Variants in UTRN observed in about 807,000 individuals in gnomAD.
UTRN encodes dystrophin-related protein 1.
UTRN carries 283 observed loss-of-function variants against 463.9 expected under a neutral mutation model. That is an observed-to-expected ratio of 0.61 (90% CI 0.55 to 0.67). UTRN has a LOEUF of 0.67. Among genes scored for constraint, UTRN ranks in the 30% least tolerant of loss-of-function variants. The pLI is 0.00. For missense variants in UTRN, 3,922 were observed against 4,084.3 expected (o/e 0.96, Z 1.08); for synonymous variants, 1,442 against 1,431.5 (o/e 1.01, Z -0.17).
chr6:144,693,818 T>C (rs896902564), intron 52 of UTRN, among the ~76,000 whole-genome samples: 3 of 152,242 alleles, frequency 2.0e-5, no homozygotes, highest in African/African-American at 7.2e-5. Flanking sequence ...TTTCTGGATA[T>C]AGAATCTTGT....
intron 52 of UTRN, among the ~76,000 whole-genome samples, chr6:144,695,904 G>T (rs768035884): frequency 2.6e-5 from 4 of 152,144 alleles, no homozygotes; most frequent in Non-Finnish European, 4.4e-5. Context: ...ATTTGAGATT[G>T]TCTTAATTAA....
intron 2 of UTRN, among the ~76,000 whole-genome samples, chr6:144,344,944 T>C (rs1777442024): frequency 6.6e-6 from 1 of 152,170 alleles, no homozygotes; most frequent in Non-Finnish European, 1.5e-5. Flanking sequence ...TTCTGATCAG[T>C]TTAGATGTTC....
chr6:144,819,911 C>CCTCCTCCTCCTGT lies in UTRN; in HGVS notation c.9358-968_9358-967insCTCCTCCTGTCTC, dbSNP rs11397588. ...TCCTCCTCCTCCTCCTCCTCCTCCT[C>CCTCCTCCTCCTGT]CTCTCTCTCTCTCTCTCTCTCTTTC... On this transcript the variant is annotated intron_variant, in intron 65 of 74. Coordinates refer to ENST00000367545, the MANE Select transcript of UTRN (RefSeq NM_007124.3). 3.4e-3 allele frequency among the ~76,000 whole-genome samples: 401 copies of CCTCCTCCTCCTGT among 118,634 alleles called. 14 individuals are homozygous for CCTCCTCCTCCTGT. In the East Asian group the frequency reaches 0.036, roughly 11 times the overall value. 77.8% of individuals were successfully genotyped at this position (118,634 alleles called of 152,430 possible).
At chr6:144,686,106 T>C (rs1192081988) in intron 52 of UTRN, among the ~76,000 whole-genome samples, 1 of 152,164 alleles carries the variant, frequency 6.6e-6, no homozygotes, top group East Asian at 1.9e-4. Flanking sequence ...GTTTCATTCT[T>C]CCACATGTGA....
In UTRN at chr6:144,491,111, T is replaced by C. The variant is rs114316462; in HGVS notation, c.4437+9T>C. ...ACCTGGACAAGTGTATGGTGAGGCT[T>C]TTGGGTGATTGGCACATCCAGTGGC... On this transcript the variant is annotated intron_variant, in intron 32 of 74. Coordinates refer to ENST00000367545, the MANE Select transcript of UTRN (RefSeq NM_007124.3). 10,737 of 1,588,030 alleles carry C rather than the reference T, an allele frequency of 6.8e-3. 50 individuals carry two copies. Among genetic ancestry groups the C allele is most frequent in the Middle Eastern group, 9.9e-3 (59 of 5,938 alleles).
chr6:144,408,691 A>G (rs1019279149), intron 3 of UTRN, among the ~76,000 whole-genome samples: 1 of 152,186 alleles, frequency 6.6e-6, no homozygotes, highest in Admixed American at 6.5e-5. Context: ...CAATATGGAG[A>G]GCTATTAAGA....
chr6:144,841,469 C>T (rs1376299518), intron 73 of UTRN, among the ~76,000 whole-genome samples: 4 of 152,236 alleles, frequency 2.6e-5, no homozygotes, highest in South Asian at 2.1e-4. Context: ...ATAATTCTTA[C>T]TTATTCATTT....
intron 18 of UTRN, among the ~76,000 whole-genome samples, chr6:144,452,656 A>C (rs1443511579): frequency 6.6e-6 from 1 of 152,046 alleles, no homozygotes; most frequent in Non-Finnish European, 1.5e-5. Flanking sequence ...TAAAGAACAA[A>C]ATGTGGGTTG....
intron 2 of UTRN, among the ~76,000 whole-genome samples, chr6:144,378,769 A>G (rs1313745663): frequency 6.6e-6 from 1 of 152,174 alleles, no homozygotes; most frequent in East Asian, 1.9e-4. Context: ...GATTAGAAGG[A>G]ATAAGAAGAG....
intron 2 of UTRN, among the ~76,000 whole-genome samples, chr6:144,371,334 A>G (rs1201061964): frequency 2.0e-5 from 3 of 152,056 alleles, no homozygotes; most frequent in East Asian, 1.9e-4. Context: ...AAATCCCCCT[A>G]TTACCCATTA....
intron 51 of UTRN, among the ~76,000 whole-genome samples, chr6:144,661,075 G>A (rs908599961): frequency 6.6e-5 from 10 of 152,184 alleles, no homozygotes; most frequent in African/African-American, 2.4e-4. Flanking sequence ...AGAAAGGGGT[G>A]AAGTCCTCCC....
chr6:144,812,599 T>C (rs1180097825), intron 65 of UTRN, among the ~76,000 whole-genome samples: 2 of 152,212 alleles, frequency 1.3e-5, no homozygotes, highest in Admixed American at 1.3e-4. Context: ...AGAGTAACTC[T>C]AAATTATGTT....
chr6:144,791,277 A>G (rs981695748), intron 62 of UTRN, among the ~76,000 whole-genome samples: 8 of 152,200 alleles, frequency 5.3e-5, no homozygotes, highest in Admixed American at 3.3e-4. Context: ...TTTTATTAAT[A>G]CAATGCCCAA....
intron 43 of UTRN, among the ~76,000 whole-genome samples, chr6:144,534,903 A>G (rs1348476543): frequency 1.3e-5 from 2 of 152,196 alleles, no homozygotes; most frequent in African/African-American, 4.8e-5. Context: ...AGAAGAAGTA[A>G]AACAGCAGAG....
intron 2 of UTRN, among the ~76,000 whole-genome samples, chr6:144,400,761 T>A (rs1003972327): frequency 2.0e-5 from 3 of 152,224 alleles, no homozygotes; most frequent in Non-Finnish European, 4.4e-5. Context: ...ATTTGGATGT[T>A]AGAAAATGTA....
intron 52 of UTRN, among the ~76,000 whole-genome samples, chr6:144,685,698 T>C (rs1782679206): frequency 6.6e-6 from 1 of 152,186 alleles, no homozygotes; most frequent in Admixed American, 6.5e-5. Context: ...TTTGCCCACT[T>C]TTTAGTAGGA....
intron 52 of UTRN, among the ~76,000 whole-genome samples, chr6:144,695,544 C>T (rs1286523405): frequency 2.6e-5 from 4 of 152,100 alleles, no homozygotes; most frequent in East Asian, 1.9e-4. Context: ...GGGGTTTCAC[C>T]GTGTTGGCCA....
intron 23 of UTRN, among the ~76,000 whole-genome samples, chr6:144,470,819 A>G (rs893642010): frequency 2.6e-5 from 4 of 151,922 alleles, no homozygotes; most frequent in Admixed American, 2.6e-4. Flanking sequence ...TCGGTCAGGA[A>G]CTGGAGACCA....
chr6:144,487,747 G>A (rs1418832369), intron 29 of UTRN, 50 bp downstream of exon 29: 2 of 1,533,738 alleles, frequency 1.3e-6, no homozygotes, highest in East Asian at 2.3e-5. Context: ...ATGAAGTGGA[G>A]CTGGCCCTAA....
Sources: allele counts gnomAD v4.1 joint callset (sites outside exome capture counted in the v4.1 genomes callset), GRCh38; gene constraint gnomAD v4.1.1; transcripts MANE v1.5; gene names NCBI Gene and HGNC (gene_info 2026-07-23, HGNC 2026-07-21).